Variants in RASGRF2 observed in about 807,000 individuals in gnomAD.
The protein encoded by RASGRF2 is ras-specific guanine nucleotide-releasing factor 2.
A neutral mutation model predicts 151.0 loss-of-function variants in RASGRF2; 76 were observed. The ratio of observed to expected loss-of-function variants is 0.50; its 90% confidence interval spans 0.42 to 0.61. The LOEUF (loss-of-function observed/expected upper bound fraction) is 0.61, where lower values mean the gene tolerates loss of function less well. RASGRF2 is among the 20% of genes least tolerant of loss of function. RASGRF2 has a pLI of 0.00. For missense variants in RASGRF2, 1,148 were observed against 1,564.6 expected (o/e 0.73, Z 4.49); for synonymous variants, 504 against 566.5 (o/e 0.89, Z 1.57).
chr5:81,120,706 C>T (rs933732453), intron 15 of RASGRF2, among the ~76,000 whole-genome samples: 2 of 152,150 alleles, frequency 1.3e-5, no homozygotes, highest in African/African-American at 4.8e-5. Flanking sequence ...ACTGTGTGGT[C>T]TTCTGCAATT....
At chr5:81,025,125 T>C (rs886421134) in intron 1 of RASGRF2, among the ~76,000 whole-genome samples, 4 of 152,178 alleles carry the variant, frequency 2.6e-5, no homozygotes, top group Non-Finnish European at 5.9e-5. Flanking sequence ...TGGCACTGGG[T>C]GGGATTCCTG....
chr5:81,046,181 C>T (rs1339804076), intron 2 of RASGRF2, among the ~76,000 whole-genome samples: 1 of 151,958 alleles, frequency 6.6e-6, no homozygotes, highest in East Asian at 1.9e-4. Flanking sequence ...GCTCAGAACC[C>T]CTTCTCTCAT....
intron 9 of RASGRF2, among the ~76,000 whole-genome samples, chr5:81,090,407 A>T (rs1295682863): frequency 6.6e-6 from 1 of 152,222 alleles, no homozygotes; most frequent in African/African-American, 2.4e-5. Flanking sequence ...TTACTAAATG[A>T]ATACTAAGTA....
At chr5:81,022,619 C>A (rs958682461) in intron 1 of RASGRF2, among the ~76,000 whole-genome samples, 1 of 152,172 alleles carries the variant, frequency 6.6e-6, no homozygotes, top group East Asian at 1.9e-4. Flanking sequence ...CCACGTGTGT[C>A]CCTGCCTCCC....
chr5:81,032,350 G>T (rs1750289526), intron 1 of RASGRF2, among the ~76,000 whole-genome samples: 1 of 152,158 alleles, frequency 6.6e-6, no homozygotes, highest in African/African-American at 2.4e-5. Context: ...CAAAAAAAGA[G>T]AATTTTAGAC....
chr5:81,112,522 G>T (rs1305311591), intron 13 of RASGRF2, 88 bp from the exon 14 acceptor site: 8 of 1,543,680 alleles, frequency 5.2e-6, no homozygotes, highest in Admixed American at 5.2e-5. Flanking sequence ...CCACTCCTGA[G>T]TGTGTGATTA....
chr5:80,990,155 A>G (rs1457234251), intron 1 of RASGRF2, among the ~76,000 whole-genome samples: 4 of 150,206 alleles, frequency 2.7e-5, no homozygotes, highest in Admixed American at 6.6e-5. Flanking sequence ...GGTGCCTTCT[A>G]TTTGCTTAGC....
intron 1 of RASGRF2, among the ~76,000 whole-genome samples, chr5:81,003,170 C>T (rs1749134831): frequency 6.6e-6 from 1 of 151,620 alleles, no homozygotes; most frequent in African/African-American, 2.4e-5. Flanking sequence ...ATTCTTGTGC[C>T]TCAGCCTCCC....
chr5:80,982,594 A>ATTATTG (rs1748339723), intron 1 of RASGRF2, among the ~76,000 whole-genome samples: 1 of 146,128 alleles, frequency 6.8e-6, no homozygotes, highest in Non-Finnish European at 1.5e-5. Flanking sequence ...TATTATTATT[A>ATTATTG]TTATTATTAT....
intron 18 of RASGRF2, among the ~76,000 whole-genome samples, chr5:81,189,597 G>A (rs1045903069): frequency 1.3e-5 from 2 of 151,220 alleles, no homozygotes; most frequent in Non-Finnish European, 2.9e-5. Context: ...TGCCTCAAGT[G>A]ATCCTTCCAC....
At chr5:81,172,451 G>A (rs1030708737) in intron 17 of RASGRF2, among the ~76,000 whole-genome samples, 1 of 151,602 alleles carries the variant, frequency 6.6e-6, no homozygotes, top group Non-Finnish European at 1.5e-5. Context: ...GTGTGTGTGT[G>A]TGTGTGTGTG....
intron 12 of RASGRF2, among the ~76,000 whole-genome samples, chr5:81,103,707 A>G (rs987718602): frequency 6.6e-6 from 1 of 151,384 alleles, no homozygotes; most frequent in African/African-American, 2.4e-5. Context: ...TCAAAAGGTA[A>G]AAAGACAGAT....
At chr5:81,203,978 C>T (rs1460445341) in intron 19 of RASGRF2, 1 of 152,246 alleles carries the variant, frequency 6.6e-6, no homozygotes, top group African/African-American at 2.4e-5. Context: ...CACACAAAGA[C>T]AGTGTGGACC....
chr5:81,131,684 A>T (rs1753623960), intron 17 of RASGRF2, among the ~76,000 whole-genome samples: 1 of 149,024 alleles, frequency 6.7e-6, no homozygotes, highest in African/African-American at 2.6e-5. Flanking sequence ...TTAAAAGAAA[A>T]GAAAAAAAAA....
intron 1 of RASGRF2, among the ~76,000 whole-genome samples, chr5:81,037,038 CT>C (rs1205399574): frequency 2.0e-5 from 3 of 152,260 alleles, no homozygotes; most frequent in Non-Finnish European, 2.9e-5. Flanking sequence ...AAAGGGATGT[CT>C]TACATAGCAG....
intron 17 of RASGRF2, among the ~76,000 whole-genome samples, chr5:81,173,600 C>A (rs1754707370): frequency 6.6e-6 from 1 of 152,126 alleles, no homozygotes; most frequent in African/African-American, 2.4e-5. Flanking sequence ...TCTGCACTGA[C>A]CAGCTATTTT....
At position 80,960,706 on chromosome 5, in the gene RASGRF2, G is replaced by C; in HGVS notation, c.-33G>C. 1 of 1,464,410 alleles carries C rather than the reference G, an allele frequency of 6.8e-7. No homozygotes were observed. The highest frequency in any genetic ancestry group is 9.1e-7 in the Non-Finnish European group (1 of 1,094,834). 90.7% of individuals were successfully genotyped at this position (1,464,410 alleles called of 1,614,324 possible). A position where few individuals can be genotyped will look rare whatever the true frequency, so the allele number is the denominator to read the frequency against. Reference sequence around the variant, plus strand: ...ATGGCCGCGAGGCAGGGGTGAGACCGGCGGCCACCCGTGAGCCCTCCGCAC... The same window carrying C: ...ATGGCCGCGAGGCAGGGGTGAGACCCGCGGCCACCCGTGAGCCCTCCGCAC... On this transcript the variant is annotated 5_prime_UTR_variant, in exon 1 of 27. Coordinates refer to ENST00000265080, the MANE Select transcript of RASGRF2 (RefSeq NM_006909.3). The surrounding 1 kb of genome is among the most constrained non-coding windows in gnomAD (Gnocchi z 5.5).
intron 1 of RASGRF2, among the ~76,000 whole-genome samples, chr5:80,987,276 C>G (rs916042653): frequency 1.3e-5 from 2 of 152,186 alleles, no homozygotes; most frequent in African/African-American, 2.4e-5. Flanking sequence ...TGAGCACTGA[C>G]TGTGTGCCAG....
chr5:80,965,795 G>A (rs905763621), intron 1 of RASGRF2, among the ~76,000 whole-genome samples: 1 of 152,136 alleles, frequency 6.6e-6, no homozygotes, highest in Admixed American at 6.5e-5. Context: ...AATGTCAGTG[G>A]TTCATTAAAA....
Sources: gnomAD v4.1 joint callset for allele counts (sites outside exome capture counted in the v4.1 genomes callset) on GRCh38, gnomAD v4.1.1 for gene constraint, Gnocchi (gnomAD v3.1) non-coding constraint, MANE v1.5 for transcripts, NCBI Gene and HGNC (gene_info 2026-07-23, HGNC 2026-07-21) for gene names.